Variants in C5 observed in about 807,000 individuals in gnomAD.
C5 encodes complement C5.
C5 carries 140 observed loss-of-function variants against 218.8 expected under a neutral mutation model. The observed-to-expected ratio is 0.64, with a 90% confidence interval of 0.56 to 0.74. The LOEUF (loss-of-function observed/expected upper bound fraction) is 0.74. Among genes scored for constraint, C5 ranks in the 30% least tolerant of loss-of-function variants. The pLI, the probability that C5 is intolerant of heterozygous loss-of-function variation, is 0.00. For synonymous variants in C5, 614 were observed against 682.3 expected (o/e 0.90, Z 1.56); for missense variants, 1,700 against 1,969.6 (o/e 0.86, Z 2.59).
rs1554720417 is a variant in C5, at chr9:120,982,769, G to A, written c.3276C>T (p.Tyr1092=). 16 of 1,599,000 alleles carry A rather than the reference G, an allele frequency of 1.0e-5. No individual in the cohort carries two copies. Among genetic ancestry groups the A allele is most frequent in the East Asian group, 2.2e-5 (1 of 44,676 alleles). ...ALRVLGQVNK[Y]VEQNQNSICN... is the part of the protein sequence containing the mutation. ...AAATTGAATTTTGGTTCTGCTCTAC[G>A]TATTTATTTACTTGTCCAAGTACTC... The change falls in exon 26 of 41, where the codon TAC becomes TAT. Residue 1092 remains tyrosine (Y), a synonymous_variant. Coordinates refer to ENST00000223642, the MANE Select transcript of C5 (RefSeq NM_001735.3).
intron 30 of C5, among the ~76,000 whole-genome samples, 190 bp downstream of exon 30, chr9:120,974,589 C>T (rs1218760414): frequency 2.0e-5 from 3 of 152,206 alleles, no homozygotes; most frequent in South Asian, 2.1e-4. Context: ...CCCTGCACTA[C>T]GCTGATTGTT....
At chr9:120,975,677 G>C (rs1310116764) in intron 29 of C5, among the ~76,000 whole-genome samples, 1 of 152,112 alleles carries the variant, frequency 6.6e-6, no homozygotes, top group African/African-American at 2.4e-5. Flanking sequence ...TTCCACCATG[G>C]AATAATGCAA....
intron 10 of C5, among the ~76,000 whole-genome samples, chr9:121,022,977 G>A (rs2047379676): frequency 6.6e-6 from 1 of 151,532 alleles, no homozygotes. Flanking sequence ...GGAAACAAAT[G>A]AGACACACTG....
At chr9:121,037,302 G>GTTTTTTTTTTTTTT (rs201849062) in intron 4 of C5, among the ~76,000 whole-genome samples, 3 of 136,722 alleles carry the variant, frequency 2.2e-5, no homozygotes, top group Non-Finnish European at 3.2e-5. Flanking sequence ...TTGTTTTTTG[G>GTTTTTTTTTTTTTT]TTTTTTTTTT....
intron 37 of C5, among the ~76,000 whole-genome samples, 154 bp from the exon 38 acceptor site, chr9:120,960,491 T>A (rs2046819047): frequency 6.6e-6 from 1 of 152,116 alleles, no homozygotes; most frequent in Admixed American, 6.5e-5. Context: ...TTTTCTTTCA[T>A]AAAGTGAAAT....
chr9:121,027,726 A>G (rs1451072021), intron 7 of C5, among the ~76,000 whole-genome samples: 2 of 152,246 alleles, frequency 1.3e-5, no homozygotes, highest in Non-Finnish European at 1.5e-5. Context: ...TGGTAGACCT[A>G]AAACCATAAA....
chr9:121,032,261 C>A, intron 5 of C5, 66 bp from the exon 6 acceptor site: 1 of 922,098 alleles, frequency 1.1e-6, no homozygotes, highest in East Asian at 2.4e-5. Context: ...CAGAGGAGAT[C>A]TAATAAATTC....
intron 1 of C5, 108 bp from the exon 2 acceptor site, chr9:121,046,491 T>C: frequency 1.3e-6 from 1 of 761,446 alleles, no homozygotes; most frequent in Non-Finnish European, 2.3e-6. Flanking sequence ...TACATATATT[T>C]CCTCACTTAA....
At chr9:121,030,142 A>T (rs767713310) in intron 7 of C5, among the ~76,000 whole-genome samples, 6 of 152,234 alleles carry the variant, frequency 3.9e-5, no homozygotes, top group Non-Finnish European at 8.8e-5. Context: ...TTCTAAACAC[A>T]TACACCAAAC....
chr9:120,996,745 G>A (rs1297707238), intron 21 of C5, among the ~76,000 whole-genome samples: 1 of 152,162 alleles, frequency 6.6e-6, no homozygotes, highest in East Asian at 1.9e-4. Context: ...GCATGGGAAT[G>A]TGCTTTGCAC....
At chr9:121,020,563 A>G (rs2047356228) in intron 11 of C5, among the ~76,000 whole-genome samples, 1 of 152,238 alleles carries the variant, frequency 6.6e-6, no homozygotes, top group Non-Finnish European at 1.5e-5. Flanking sequence ...GTGGGGAGGT[A>G]GCACTAACTC....
In C5 at chr9:121,017,356, C is replaced by G; in HGVS notation, c.1866+6G>C. 1 of 1,613,584 alleles carries G rather than the reference C, an allele frequency of 6.2e-7. No homozygotes were observed. ...CAACACTGCAGCGAGACATGCATTA[C>G]TTAACTCTTTCCAAGGGCTTTTTGG... is the stretch of plus-strand genomic sequence containing the variant. On this transcript the variant is annotated splice_donor_region_variant and intron_variant, in intron 14 of 40. Transcript: ENST00000223642.
intron 27 of C5, among the ~76,000 whole-genome samples, chr9:120,981,054 A>G (rs1278538197): frequency 6.6e-6 from 1 of 152,238 alleles, no homozygotes; most frequent in Non-Finnish European, 1.5e-5. Flanking sequence ...GCCTGGGTAA[A>G]TAGTCCCGAT....
chr9:121,000,652 T>C (rs1308311835), intron 20 of C5, among the ~76,000 whole-genome samples: 1 of 152,230 alleles, frequency 6.6e-6, no homozygotes, highest in Admixed American at 6.5e-5. Flanking sequence ...AAAAGTACTA[T>C]AGAAAATATA....
Position 120,952,974 on chromosome 9 carries a change from A to C in C5, c.4902-106T>G, listed in dbSNP as rs543229381. 1.1e-5 allele frequency: 14 copies of C among 1,224,518 alleles called. No individual in the cohort carries two copies. In the African/African-American group the frequency reaches 1.5e-4, roughly 13 times the overall value. The allele number at this position is 1,224,518 out of a possible 1,614,324, so 75.9% of individuals were successfully genotyped here. A position where few individuals can be genotyped will look rare whatever the true frequency, so the allele number is the denominator to read the frequency against. ...AGTCTTGCTCAGTCGCCCATGCTGG[A>C]GTGCAGTGGCGTGATCTCAGCTCAC... On this transcript the variant is annotated intron_variant, in intron 40 of 40. Transcript: ENST00000223642.
the C5 span, among the ~76,000 whole-genome samples, chr9:121,073,796 G>A: frequency 2.0e-4 from 30 of 152,264 alleles, no homozygotes; most frequent in African/African-American, 7.0e-4. Flanking sequence ...TTACAGGCAT[G>A]AGCCACAGCG....
rs2047317963 is a variant in C5 at position 121,017,499 on chromosome 9, G to T, written c.1729C>A (p.Pro577Thr). 2 of 1,613,634 alleles carry T rather than the reference G, an allele frequency of 1.2e-6. No homozygotes were observed. Among genetic ancestry groups the T allele is most frequent in the Admixed American group, 3.3e-5 (2 of 59,996 alleles). Residue 577 changes from proline (P) to threonine (T), a missense_variant, in exon 14 of 41, where the codon CCT becomes ACT. Physicochemically the swap from Pro to Thr is conservative, Grantham distance 38 (BLOSUM62 -1). Coordinates refer to ENST00000223642, the MANE Select transcript of C5 (RefSeq NM_001735.3). Reference protein sequence around the residue: ...CGNQLQVHLSPDADAYSPGQT... With the variant: ...CGNQLQVHLSTDADAYSPGQT... ...CCTGGAGAATATGCATCTGCATCAG[G>T]AGACAGATGAACCTAAAAGTTCATT...
chr9:121,028,546 GACA>G (rs2047445192), intron 7 of C5, among the ~76,000 whole-genome samples: 1 of 152,122 alleles, frequency 6.6e-6, no homozygotes, highest in Non-Finnish European at 1.5e-5. Flanking sequence ...CCTTTGCAGG[GACA>G]TGGATGAAGC....
At chr9:121,062,767 T>C in the C5 span, among the ~76,000 whole-genome samples, 1 of 152,234 alleles carries the variant, frequency 6.6e-6, no homozygotes, top group East Asian at 1.9e-4. Context: ...AGTCTTTTTC[T>C]TTCAGCACTT....
Sources: allele counts gnomAD v4.1 joint callset (sites outside exome capture counted in the v4.1 genomes callset), GRCh38; gene constraint gnomAD v4.1.1; transcripts MANE v1.5; gene names NCBI Gene and HGNC (gene_info 2026-07-23, HGNC 2026-07-21).